Variants in C16orf96 observed in about 807,000 individuals in gnomAD.
C16orf96 encodes chromosome 16 open reading frame 96.
C16orf96 carries 108 observed loss-of-function variants against 103.6 expected under a neutral mutation model. That is an observed-to-expected ratio of 1.04 (90% confidence interval 0.89 to 1.22). The LOEUF is 1.22. C16orf96 is among the 50% of genes most tolerant of loss of function. C16orf96 has a pLI of 0.00. For synonymous variants in C16orf96, 566 were observed against 593.5 expected, an observed-to-expected ratio of 0.95 and a Z score of 0.67; for missense variants, 1,586 against 1,464.2, an observed-to-expected ratio of 1.08 and a Z score of -1.36.
Position 4,576,597 on chromosome 16 carries a change from A to G in C16orf96, c.2117A>G (p.Gln706Arg). ...KHDSLKEEFA[Q>R]LSCNLNQRLS... ...GACTCTCTGAAGGAAGAATTTGCCC[A>G]GCTGTCCTGTAACCTGAACCAGCGC... is the stretch of plus-strand genomic sequence containing the variant. Residue 706 changes from glutamine to arginine, a missense_variant, in exon 5 of 16, where the codon CAG becomes CGG. Gln to Arg is a conservative substitution (Grantham distance 43, BLOSUM62 1). Coordinates refer to ENST00000444310, the MANE Select transcript of C16orf96 (RefSeq NM_001145011.2). 1 of 1,551,620 alleles carries G rather than the reference A, an allele frequency of 6.4e-7. No individual in the cohort carries two copies. The highest frequency in any genetic ancestry group is 8.7e-7 in the Non-Finnish European group (1 of 1,146,996).
the C16orf96 span, among the ~76,000 whole-genome samples, chr16:4,545,431 A>T: frequency 6.6e-6 from 1 of 152,164 alleles, no homozygotes; most frequent in Non-Finnish European, 1.5e-5. Context: ...AGCTCAAGCG[A>T]TCCTTGTGGC....
At chr16:4,564,386 T>A (rs149499483) in intron 1 of C16orf96, among the ~76,000 whole-genome samples, 12 of 152,256 alleles carry the variant, frequency 7.9e-5, no homozygotes, top group Non-Finnish European at 1.8e-4. Context: ...GGGAGAGGGA[T>A]CCAGTCTAAG....
At position 4,580,084 on chromosome 16, in the gene C16orf96, A is replaced by G. The variant is rs1341922076; in HGVS notation, c.2311A>G (p.Lys771Glu). Reference sequence around the variant, plus strand: ...GAAGGATCGCTACATCACTTTGGACAAGGCGGTGGAGAACCTGCAGATTCG... The same window carrying G: ...GAAGGATCGCTACATCACTTTGGACGAGGCGGTGGAGAACCTGCAGATTCG... ...MMKDRYITLDKAVENLQIRMD... is the reference protein window; with the variant it reads ...MMKDRYITLDEAVENLQIRMD... Residue 771 changes from lysine (K) to glutamate (E), a missense_variant, in exon 7 of 16, where the codon AAG (lysine) becomes GAG (glutamate). By Grantham distance (56) the Lys-to-Glu change is moderately conservative. Coordinates refer to ENST00000444310, the MANE Select transcript of C16orf96 (RefSeq NM_001145011.2). The G allele has an allele frequency of 6.5e-7, 1 of 1,545,930 alleles. No individual in the cohort carries two copies. The highest frequency in any genetic ancestry group is 1.4e-5 in the African/African-American group (1 of 72,826).
At chr16:4,557,192 A>G (rs2059274817) in intron 1 of C16orf96, among the ~76,000 whole-genome samples, 1 of 151,592 alleles carries the variant, frequency 6.6e-6, no homozygotes. Flanking sequence ...CTGGTCTCAA[A>G]CCCCTGATCT....
chr16:4,588,187 G>T lies in C16orf96; in HGVS notation c.2448G>T (p.Leu816=), dbSNP rs1896973124. 6.4e-6 allele frequency: 10 copies of T among 1,551,282 alleles called. No homozygotes were observed. Among genetic ancestry groups the T allele is most frequent in the African/African-American group, 1.4e-5 (1 of 73,012 alleles). Residue 816 remains leucine (L), a synonymous_variant, in exon 9 of 16, where the codon CTG becomes CTT. Transcript: ENST00000444310. ...CCTAGAAAGCTGACAGGAGTGCCCT[G>T]GCAGGCAAGGCAAGCCGCGTTGACC... The part of the protein sequence containing the change: ...ELREKADRSA[L]AGKASRVDLE...
At position 4,600,408 on chromosome 16, in the gene C16orf96, C is replaced by CGATGTGGAGGGG; in HGVS notation, c.*91_*92insGATGTGGAGGGG. ...CCTCCCACTCCCACCAAGTCCCCTC[C>CGATGTGGAGGGG]ACATCGGAGGCTGAGGCCTATGTGG... On this transcript the variant is annotated 3_prime_UTR_variant, in exon 16 of 16. Coordinates refer to ENST00000444310, the MANE Select transcript of C16orf96 (RefSeq NM_001145011.2). 2.1e-6 allele frequency: 2 copies of CGATGTGGAGGGG among 933,182 alleles called. No homozygotes were observed. Among genetic ancestry groups the CGATGTGGAGGGG allele is most frequent in the Non-Finnish European group, 3.3e-6 (2 of 612,656 alleles). The allele number at this position is 933,182 out of a possible 1,614,324, so 57.8% of individuals were successfully genotyped here. A position where few individuals can be genotyped will look rare whatever the true frequency, so the allele number is the denominator to read the frequency against.
At position 4,593,192 on chromosome 16, in the gene C16orf96, A is replaced by G. The variant is rs1371074624; in HGVS notation, c.2775-32A>G. On this transcript the variant is annotated intron_variant, in intron 11 of 15. Coordinates refer to ENST00000444310, the MANE Select transcript of C16orf96 (RefSeq NM_001145011.2). This position sits in a 1 kb window ranked among gnomAD's most constrained non-coding sequence, Gnocchi z 4.2. Reference sequence around the variant, plus strand: ...CCTCTGCTGGCCTAGCACGCCTCCCACAGCCCCTGCTGTGCCCTTGTCCTC... The same window carrying G: ...CCTCTGCTGGCCTAGCACGCCTCCCGCAGCCCCTGCTGTGCCCTTGTCCTC... The G allele has an allele frequency of 6.5e-7, 1 of 1,546,782 alleles. No homozygotes were observed. Among genetic ancestry groups the G allele is most frequent in the Non-Finnish European group, 8.7e-7 (1 of 1,143,162 alleles).
chr16:4,591,900 T>C, intron 10 of C16orf96, 116 bp downstream of exon 10: 1 of 846,046 alleles, frequency 1.2e-6, no homozygotes, highest in Middle Eastern at 3.3e-4. Context: ...GGATGGGGGC[T>C]TGGCTGTGGC....
chr16:4,593,925 C>A lies in C16orf96; in HGVS notation c.2868-426C>A, dbSNP rs1470814156. 6.6e-6 allele frequency among the ~76,000 whole-genome samples: 1 copy of A among 152,164 alleles called. No homozygotes were observed. Among genetic ancestry groups the A allele is most frequent in the Admixed American group, 6.5e-5 (1 of 15,284 alleles). ...CCCCACCCCTCAACCTCCTGACATC[C>A]CACAGCTCTATGGATCTCCCCAGCC... is the stretch of plus-strand genomic sequence containing the variant. On this transcript the variant is annotated intron_variant, in intron 12 of 15. Coordinates refer to ENST00000444310, the MANE Select transcript of C16orf96 (RefSeq NM_001145011.2). This position sits in a 1 kb window ranked among gnomAD's most constrained non-coding sequence, Gnocchi z 4.2.
At chr16:4,581,816 C>G (rs957443428) in intron 7 of C16orf96, among the ~76,000 whole-genome samples, 2 of 151,892 alleles carry the variant, frequency 1.3e-5, no homozygotes, top group Non-Finnish European at 2.9e-5. Context: ...ATTAGCCAAG[C>G]GTGGTAGCAC....
chr16:4,553,711 G>C (rs1332658118), upstream of C16orf96, among the ~76,000 whole-genome samples: 1 of 152,146 alleles, frequency 6.6e-6, no homozygotes, highest in Non-Finnish European at 1.5e-5. Flanking sequence ...CTGGATTCAA[G>C]CAACCCGCCC....
the C16orf96 span, among the ~76,000 whole-genome samples, chr16:4,550,075 C>T: frequency 7.0e-6 from 1 of 143,130 alleles, no homozygotes; most frequent in East Asian, 2.2e-4. Context: ...GGTTAGAGCA[C>T]ACAGTGGGTA....
At chr16:4,549,825 A>G in the C16orf96 span, among the ~76,000 whole-genome samples, 1 of 151,686 alleles carries the variant, frequency 6.6e-6, no homozygotes, top group South Asian at 2.1e-4. Context: ...GCATCTCCCC[A>G]CTCTCTTGCT....
chr16:4,551,489 T>C (rs939756443), upstream of C16orf96, among the ~76,000 whole-genome samples: 1 of 152,180 alleles, frequency 6.6e-6, no homozygotes, highest in Non-Finnish European at 1.5e-5. Flanking sequence ...TCTTGCTCTG[T>C]CGCCCAGGCT....
chr16:4,586,875 C>A (rs1047311920), intron 7 of C16orf96, among the ~76,000 whole-genome samples, 164 bp from the exon 8 acceptor site: 1 of 152,202 alleles, frequency 6.6e-6, no homozygotes, highest in Non-Finnish European at 1.5e-5. Context: ...ATCTGGGCAC[C>A]TGGAGCCCTT....
rs746607001 is a variant in C16orf96, at chr16:4,594,732, G to C, written c.3056G>C (p.Gly1019Ala). ...GAGGTGGACATCCTGGGCGTGGATG[G>C]GATCCTGTACAAAGGCCGCGTGAAC... ...SAEVDILGVD[G>A]ILYKGRVNSQ... The change falls in exon 14 of 16, where the codon GGG becomes GCG. Residue 1019 changes from glycine to alanine, a missense_variant. Transcript: ENST00000444310. 16 of 1,551,206 alleles carry C rather than the reference G, an allele frequency of 1.0e-5. No homozygotes were observed. The South Asian group carries it at 1.9e-4, about 18-fold the overall frequency.
At chr16:4,544,455 A>G in the C16orf96 span, among the ~76,000 whole-genome samples, 1 of 152,030 alleles carries the variant, frequency 6.6e-6, no homozygotes, top group Non-Finnish European at 1.5e-5. Context: ...AAAATACAAA[A>G]ATATTAGCTG....
intron 2 of C16orf96, among the ~76,000 whole-genome samples, chr16:4,572,034 G>A (rs1160845120): frequency 1.3e-5 from 2 of 151,674 alleles, no homozygotes; most frequent in Non-Finnish European, 2.9e-5. Flanking sequence ...ATTTTTAGTA[G>A]AGACAGGGGT....
At chr16:4,553,226 G>T (rs1331669665), upstream of C16orf96, among the ~76,000 whole-genome samples, 1 of 152,192 alleles carries the variant, frequency 6.6e-6, no homozygotes, top group African/African-American at 2.4e-5. Flanking sequence ...AGAAGCATCT[G>T]TTGTGAAGTA....
Sources: gnomAD v4.1 joint callset for allele counts (sites outside exome capture counted in the v4.1 genomes callset) on GRCh38, gnomAD v4.1.1 for gene constraint, Gnocchi (gnomAD v3.1) non-coding constraint, MANE v1.5 for transcripts, NCBI Gene and HGNC (gene_info 2026-07-23, HGNC 2026-07-21) for gene names.